The following MEGF10 variants were observed in gnomAD, a reference collection of about 807,000 sequenced individuals.
MEGF10 encodes the protein multiple EGF like domains 10.
In MEGF10, 86 loss-of-function variants were observed where a neutral mutation model predicts 147.5. That is an observed-to-expected ratio of 0.58 (90% CI 0.49 to 0.70). The LOEUF (loss-of-function observed/expected upper bound fraction) is 0.70. MEGF10 is among the 30% of genes least tolerant of loss of function. The probability of loss-of-function intolerance (pLI) is 0.00; values close to 1 mark genes in which losing one functional copy is unlikely to be tolerated. For missense variants in MEGF10, 1,329 were observed against 1,487.3 expected (o/e 0.89, Z 1.75); for synonymous variants, 478 against 525.5 (o/e 0.91, Z 1.24).
In MEGF10 at chr5:127,383,281, C is replaced by T. The variant is rs929732898; in HGVS notation, c.413-13251C>T. On this transcript the variant is annotated intron_variant, in intron 5 of 24. Coordinates refer to ENST00000503335, the MANE Select transcript of MEGF10 (RefSeq NM_001256545.2). ...CAGTTTATAGTATAATAATGAACTC[C>T]GTTACTATAAACTTGTATATAGCAT... Among the ~76,000 whole-genome samples, 17 of 151,964 alleles carry T rather than the reference C, an allele frequency of 1.1e-4. No homozygotes were observed. The South Asian group carries it at 1.2e-3, about 11-fold the overall frequency.
At chr5:127,237,524 T>C in the MEGF10 span, among the ~76,000 whole-genome samples, 2 of 152,050 alleles carry the variant, frequency 1.3e-5, no homozygotes, top group African/African-American at 4.8e-5. Context: ...TTAACTTTGA[T>C]AAATGGTGGG....
intron 8 of MEGF10, 84 bp from the exon 9 acceptor site, chr5:127,410,305 A>G: frequency 7.5e-7 from 1 of 1,334,898 alleles, no homozygotes; most frequent in Non-Finnish European, 1.1e-6. Context: ...CGATTTATGC[A>G]TAACAAAGCC....
intron 4 of MEGF10, among the ~76,000 whole-genome samples, chr5:127,352,731 G>T (rs960423733): frequency 6.6e-6 from 1 of 152,196 alleles, no homozygotes; most frequent in African/African-American, 2.4e-5. Context: ...CCAGGACCAG[G>T]GTGGGAGATA....
chr5:127,431,404 A>T (rs1179880045), intron 13 of MEGF10, among the ~76,000 whole-genome samples: 3 of 152,210 alleles, frequency 2.0e-5, no homozygotes, highest in Non-Finnish European at 4.4e-5. Flanking sequence ...TATTAAGTGC[A>T]ATTTGAAGTA....
chr5:127,266,097 A>G, the MEGF10 span, among the ~76,000 whole-genome samples: 7 of 152,026 alleles, frequency 4.6e-5, no homozygotes, highest in South Asian at 1.5e-3. Flanking sequence ...TAATTTTTGT[A>G]TAAGGTGTAA....
intron 4 of MEGF10, among the ~76,000 whole-genome samples, chr5:127,349,195 TC>T: frequency 6.6e-6 from 1 of 152,286 alleles, no homozygotes; most frequent in Admixed American, 6.5e-5. Flanking sequence ...AGATTTTGAT[TC>T]TCTCTCACAT....
chr5:127,386,219 A>G (rs1202798671), intron 5 of MEGF10, among the ~76,000 whole-genome samples: 1 of 152,226 alleles, frequency 6.6e-6, no homozygotes, highest in African/African-American at 2.4e-5. Flanking sequence ...TGTTGCTGTC[A>G]TTTAGAATCA....
chr5:127,340,376 CTTCAA>C (rs1761633480), intron 3 of MEGF10, among the ~76,000 whole-genome samples, 149 bp from the exon 4 acceptor site: 1 of 152,154 alleles, frequency 6.6e-6, no homozygotes, highest in Non-Finnish European at 1.5e-5. Flanking sequence ...CATAGATTGG[CTTCAA>C]TAGGGAATCT....
intron 4 of MEGF10, among the ~76,000 whole-genome samples, chr5:127,345,194 A>G (rs1436762570): frequency 6.6e-6 from 1 of 152,110 alleles, no homozygotes; most frequent in Admixed American, 6.6e-5. Flanking sequence ...ATTCTTGGAG[A>G]AAAAACTCTA....
the MEGF10 span, among the ~76,000 whole-genome samples, chr5:127,235,590 A>G: frequency 6.6e-6 from 1 of 152,284 alleles, no homozygotes; most frequent in East Asian, 1.9e-4. Flanking sequence ...TCTCTGCGGT[A>G]ATTTTTATAT....
chr5:127,435,380 T>TG lies in MEGF10; in HGVS notation c.1998dup (p.Lys667GlufsTer16). On this transcript the variant is annotated frameshift_variant, in exon 16 of 25. Coordinates refer to ENST00000503335, the MANE Select transcript of MEGF10 (RefSeq NM_001256545.2). LOFTEE classifies it high-confidence loss of function. ...TCACAGTGTGTCCCAGTGGCAGATT[T>TG]GGGAAAAACTGTGCAGGAATTTGTA... is the stretch of plus-strand genomic sequence containing the variant. The TG allele has an allele frequency of 6.2e-7, 1 of 1,614,118 alleles. No homozygotes were observed. The highest frequency in any genetic ancestry group is 8.5e-7 in the Non-Finnish European group (1 of 1,179,988).
intron 21 of MEGF10, 58 bp from the exon 22 acceptor site, chr5:127,449,041 C>T: frequency 6.2e-7 from 1 of 1,600,426 alleles, no homozygotes; most frequent in East Asian, 2.2e-5. Context: ...GTCCATAACG[C>T]TGTGCTGTGC....
At chr5:127,265,282 G>A in the MEGF10 span, among the ~76,000 whole-genome samples, 2 of 152,144 alleles carry the variant, frequency 1.3e-5, no homozygotes, top group Non-Finnish European at 2.9e-5. Flanking sequence ...GTATTCCATG[G>A]TGTATATGTG....
chr5:127,434,168 A>T (rs2127001396), intron 14 of MEGF10, among the ~76,000 whole-genome samples: 1 of 152,294 alleles, frequency 6.6e-6, no homozygotes, highest in Admixed American at 6.5e-5. Flanking sequence ...TCTTGGCAAG[A>T]ACTTAAGTAT....
intron 7 of MEGF10, 100 bp from the exon 8 acceptor site, chr5:127,402,446 C>T: frequency 1.5e-6 from 2 of 1,333,972 alleles, no homozygotes; most frequent in East Asian, 2.4e-5. Flanking sequence ...AGCCCTGTTC[C>T]CCATCCCTCC....
rs758714876 is a variant in MEGF10, at chr5:127,454,612, TATC to T, written c.3025+5_3025+7del. ...GCTATATGGGAAAATCCTTAAAAGG[TATC>T]ATGTAAATTTGAAGAAGAAATCAGA... On this transcript the variant is annotated splice_donor_5th_base_variant and intron_variant, in intron 23 of 24. Coordinates refer to ENST00000503335, the MANE Select transcript of MEGF10 (RefSeq NM_001256545.2). 6.2e-7 allele frequency: 1 copy of T among 1,605,660 alleles called. No homozygotes were observed. The highest frequency in any genetic ancestry group is 8.5e-7 in the Non-Finnish European group (1 of 1,177,050).
chr5:127,362,870 A>G (rs1356104992), intron 4 of MEGF10, among the ~76,000 whole-genome samples: 2 of 151,908 alleles, frequency 1.3e-5, no homozygotes, highest in Admixed American at 6.6e-5. Context: ...CTTTTACTTT[A>G]AGTTGAATAT....
the MEGF10 span, among the ~76,000 whole-genome samples, chr5:127,247,205 T>A: frequency 6.3e-3 from 897 of 141,272 alleles, 11 homozygotes; most frequent in African/African-American, 0.023. Flanking sequence ...AAACAAATTT[T>A]AAATGAGACC....
upstream of MEGF10, among the ~76,000 whole-genome samples, chr5:127,290,557 G>A (rs1325167723): frequency 6.6e-6 from 1 of 152,212 alleles, no homozygotes; most frequent in Non-Finnish European, 1.5e-5. Flanking sequence ...TCGCGACCAG[G>A]CCTTTGGCGG....
Sources: allele counts gnomAD v4.1 joint callset (sites outside exome capture counted in the v4.1 genomes callset), GRCh38; gene constraint gnomAD v4.1.1; transcripts MANE v1.5; gene names NCBI Gene and HGNC (gene_info 2026-07-23, HGNC 2026-07-21).